FAM171B: variants seen among roughly 807,000 people sequenced by gnomAD.
FAM171B encodes protein FAM171B.
A neutral mutation model predicts 75.6 loss-of-function variants in FAM171B; 19 were observed. The ratio of observed to expected loss-of-function variants is 0.25; its 90% CI spans 0.18 to 0.37. The LOEUF (loss-of-function observed/expected upper bound fraction) is 0.37. FAM171B is among the 10% of genes least tolerant of loss of function. The pLI is 1.00. For synonymous variants in FAM171B, 367 were observed against 361.7 expected (o/e 1.01, Z -0.17); for missense variants, 848 against 982.4 (o/e 0.86, Z 1.83).
At chr2:186,733,994 T>C (rs948138701) in intron 1 of FAM171B, among the ~76,000 whole-genome samples, 2 of 152,170 alleles carry the variant, frequency 1.3e-5, no homozygotes, top group African/African-American at 4.8e-5. Context: ...GCCCTGTATG[T>C]GTTACAGCTC....
chr2:186,727,051 G>A lies in FAM171B; in HGVS notation c.239-13177G>A, dbSNP rs1022583935. Among the ~76,000 whole-genome samples the A allele has an allele frequency of 5.9e-5, 9 of 151,706 alleles. 1 individual carries two copies. Among genetic ancestry groups the A allele is most frequent in the Admixed American group, 3.3e-4 (5 of 15,222 alleles). ...CCTTTATTCCTTCTCTCTCTGCAAC[G>A]CCTCCTCTTCCCTCTCTCCCCCCAC... On this transcript the variant is annotated intron_variant, in intron 1 of 7. Coordinates refer to ENST00000304698, the MANE Select transcript of FAM171B (RefSeq NM_177454.4).
chr2:186,751,254 A>G lies in FAM171B; in HGVS notation c.845A>G (p.Asp282Gly). 6.2e-7 allele frequency: 1 copy of G among 1,610,426 alleles called. No homozygotes were observed. Among genetic ancestry groups the G allele is most frequent in the South Asian group, 1.1e-5 (1 of 90,556 alleles). Residue 282 changes from aspartate (D) to glycine (G), a missense_variant, in exon 5 of 8, where the codon GAT becomes GGT. By Grantham distance (94) the Asp-to-Gly change is moderately conservative. Coordinates refer to ENST00000304698, the MANE Select transcript of FAM171B (RefSeq NM_177454.4). The part of the protein sequence containing the change: ...QVSLPLLRLN[D>G]ISAGDRIPAW... ...TCTCTTCCTCTTCTACGTCTGAATG[A>G]TATAAGTGCAGGGGATCGCATACCT... is the stretch of plus-strand genomic sequence containing the variant.
intron 2 of FAM171B, among the ~76,000 whole-genome samples, chr2:186,742,958 G>A (rs1242556040): frequency 6.6e-6 from 1 of 152,076 alleles, no homozygotes; most frequent in Non-Finnish European, 1.5e-5. Context: ...GAATCATTTT[G>A]TGCATTAAAT....
intron 1 of FAM171B, among the ~76,000 whole-genome samples, chr2:186,732,041 A>G (rs959140708): frequency 6.6e-6 from 1 of 152,230 alleles, no homozygotes; most frequent in Non-Finnish European, 1.5e-5. Flanking sequence ...AAAGTACACA[A>G]TAAATGTAAT....
Position 186,754,406 on chromosome 2 carries a change from T to C in FAM171B, c.1012+357T>C, listed in dbSNP as rs560492271. 3.3e-5 allele frequency among the ~76,000 whole-genome samples: 5 copies of C among 152,292 alleles called. No homozygotes were observed. In the South Asian group the frequency reaches 1.0e-3, roughly 32 times the overall value. ...TTAAAAATATGCTATATTAGAAGGATGTAGGGAGTTCATAGGATCCTAGGA... is the reference window on the plus strand; with the variant it reads ...TTAAAAATATGCTATATTAGAAGGACGTAGGGAGTTCATAGGATCCTAGGA... On this transcript the variant is annotated intron_variant, in intron 6 of 7. Transcript: ENST00000304698.
intron 1 of FAM171B, among the ~76,000 whole-genome samples, chr2:186,727,302 G>A (rs1690048622): frequency 6.6e-6 from 1 of 152,150 alleles, no homozygotes; most frequent in South Asian, 2.1e-4. Context: ...TATTTGAAAA[G>A]GGGGCATTTG....
intron 1 of FAM171B, among the ~76,000 whole-genome samples, chr2:186,737,216 A>T (rs184583715): frequency 6.6e-6 from 1 of 152,260 alleles, no homozygotes; most frequent in Non-Finnish European, 1.5e-5. Context: ...GATGTGATAC[A>T]TGCTTACAAA....
chr2:186,747,431 C>T (rs1690381209), intron 4 of FAM171B, among the ~76,000 whole-genome samples, 181 bp downstream of exon 4: 1 of 151,850 alleles, frequency 6.6e-6, no homozygotes, highest in African/African-American at 2.4e-5. Context: ...TGAAATATAT[C>T]TTATTCAATG....
rs370990635 is a variant in FAM171B at position 186,747,071 on chromosome 2, A to G, written c.566-21A>G. 54 of 1,543,990 alleles carry G rather than the reference A, an allele frequency of 3.5e-5. No individual in the cohort carries two copies. The African/African-American group carries it at 6.3e-4, about 18-fold the overall frequency. ...TTAACATGCCTTTATCTCTTTGTTA[A>G]TGAGGTTTCCTTTTTTCCAGATGCC... On this transcript the variant is annotated intron_variant, in intron 3 of 7. Coordinates refer to ENST00000304698, the MANE Select transcript of FAM171B (RefSeq NM_177454.4).
rs1240214845 is a variant in FAM171B, at chr2:186,694,079, G to A, written c.-95G>A. 2 of 1,370,478 alleles carry A rather than the reference G, an allele frequency of 1.5e-6. No individual in the cohort carries two copies. Among genetic ancestry groups the A allele is most frequent in the Admixed American group, 3.6e-5 (1 of 27,470 alleles). The allele number at this position is 1,370,478 out of a possible 1,614,324, so 84.9% of individuals were successfully genotyped here. On this transcript the variant is annotated 5_prime_UTR_variant, in exon 1 of 8. Coordinates refer to ENST00000304698, the MANE Select transcript of FAM171B (RefSeq NM_177454.4). ...TGCTTGGCAGATTGCGCGAGGGGGA[G>A]CGAGCGAGCGGGCGCTGCCAGGAGC...
rs539110290 is a variant in FAM171B at position 186,722,937 on chromosome 2, A to AT, written c.239-17284dup. Among the ~76,000 whole-genome samples the AT allele has an allele frequency of 4.6e-5, 7 of 152,174 alleles. No individual in the cohort carries two copies. The South Asian group carries it at 1.0e-3, about 23-fold the overall frequency. ...TCCTTTTTAGGAACTTTGGGGGAATATTTTTTTGTGGGCATTTTCAGTTTT... is the reference window on the plus strand; with the variant it reads ...TCCTTTTTAGGAACTTTGGGGGAATATTTTTTTTGTGGGCATTTTCAGTTTT... On this transcript the variant is annotated intron_variant, in intron 1 of 7. Coordinates refer to ENST00000304698, the MANE Select transcript of FAM171B (RefSeq NM_177454.4).
rs1286779890 is a variant in FAM171B at position 186,739,671 on chromosome 2, AT to A, written c.239-549del. ...CATCTCCCAAGATAACAATGCCTTTATTTTTTTTGGAATACCTCCTGAAGGA... is the reference window on the plus strand; with the variant it reads ...CATCTCCCAAGATAACAATGCCTTTATTTTTTTGGAATACCTCCTGAAGGA... On this transcript the variant is annotated intron_variant, in intron 1 of 7. Coordinates refer to ENST00000304698, the MANE Select transcript of FAM171B (RefSeq NM_177454.4). Among the ~76,000 whole-genome samples the A allele has an allele frequency of 6.6e-5, 10 of 151,938 alleles. No individual in the cohort carries two copies. In the East Asian group the frequency reaches 1.3e-3, roughly 21 times the overall value.
intron 4 of FAM171B, among the ~76,000 whole-genome samples, chr2:186,748,435 G>T (rs1274379504): frequency 2.6e-5 from 4 of 151,964 alleles, no homozygotes; most frequent in African/African-American, 9.7e-5. Flanking sequence ...GATGCTATCA[G>T]TGCCCCAGCC....
intron 1 of FAM171B, among the ~76,000 whole-genome samples, chr2:186,711,808 T>C (rs922000825): frequency 1.1e-4 from 17 of 152,222 alleles, no homozygotes; most frequent in African/African-American, 3.9e-4. Flanking sequence ...CTGCCTCTTT[T>C]ATAGTCCAAA....
chr2:186,722,735 C>T (rs193298194), intron 1 of FAM171B, among the ~76,000 whole-genome samples: 1 of 152,258 alleles, frequency 6.6e-6, no homozygotes, highest in African/African-American at 2.4e-5. Flanking sequence ...AGGTGGAGGT[C>T]ACTGGCCATC....
chr2:186,740,525 T>A lies in FAM171B; in HGVS notation c.472+64T>A, dbSNP rs1244095934. 11 of 1,352,764 alleles carry A rather than the reference T, an allele frequency of 8.1e-6. No individual in the cohort carries two copies. The East Asian group carries it at 2.7e-4, about 33-fold the overall frequency. The allele number at this position is 1,352,764 out of a possible 1,614,324, so 83.8% of individuals were successfully genotyped here. On this transcript the variant is annotated intron_variant, in intron 2 of 7. Transcript: ENST00000304698. Reference sequence around the variant, plus strand: ...AAATGTAAATGAATTATTTTCTCTGTTTGGGGGATATCTTGTTCTGGTAAG... The same window carrying A: ...AAATGTAAATGAATTATTTTCTCTGATTGGGGGATATCTTGTTCTGGTAAG...
At position 186,765,472 on chromosome 2, in the gene FAM171B, TC is replaced by T. The variant is rs1690686165; in HGVS notation, c.*2650del. The T allele has an allele frequency of 6.6e-6, 1 of 152,042 alleles. No homozygotes were observed. Among genetic ancestry groups the T allele is most frequent in the African/African-American group, 2.4e-5 (1 of 41,428 alleles). 9.4% of individuals were successfully genotyped at this position (152,042 alleles called of 1,614,324 possible). Reference sequence around the variant, plus strand: ...GCAGTTGTATAGGGATTATGCCCTTTCAGTTCTATAGGGATTATGCCCTTTT... The same window carrying T: ...GCAGTTGTATAGGGATTATGCCCTTTAGTTCTATAGGGATTATGCCCTTTT... On this transcript the variant is annotated 3_prime_UTR_variant, in exon 8 of 8. Coordinates refer to ENST00000304698, the MANE Select transcript of FAM171B (RefSeq NM_177454.4).
intron 6 of FAM171B, among the ~76,000 whole-genome samples, chr2:186,755,960 A>G (rs1352134134): frequency 2.0e-5 from 3 of 152,230 alleles, no homozygotes; most frequent in African/African-American, 7.2e-5. Flanking sequence ...TATATTTGCA[A>G]CTATAATGAA....
At chr2:186,697,018 G>A (rs984423707) in intron 1 of FAM171B, among the ~76,000 whole-genome samples, 79 of 151,988 alleles carry the variant, frequency 5.2e-4, no homozygotes, top group Non-Finnish European at 1.0e-3. Context: ...ATGGATGGAT[G>A]GATGGATGGA....
Sources: gnomAD v4.1 joint callset for allele counts (sites outside exome capture counted in the v4.1 genomes callset) on GRCh38, gnomAD v4.1.1 for gene constraint, MANE v1.5 for transcripts, NCBI Gene and HGNC (gene_info 2026-07-23, HGNC 2026-07-21) for gene names.